Variants in RBPMS observed in about 807,000 individuals in gnomAD.
RBPMS encodes the protein RNA-binding protein with multiple splicing.
A neutral mutation model predicts 26.8 loss-of-function variants in RBPMS; 7 were observed. That is an observed-to-expected ratio of 0.26 (90% CI 0.15 to 0.49). RBPMS has a LOEUF of 0.49. Among genes scored for constraint, RBPMS ranks in the 20% least tolerant of loss-of-function variants. The pLI, the probability that RBPMS is intolerant of heterozygous loss-of-function variation, is 0.98. For missense variants in RBPMS, 186 were observed against 250.0 expected, an observed-to-expected ratio of 0.74 and a Z score of 1.73; for synonymous variants, 96 against 93.3, an observed-to-expected ratio of 1.03 and a Z score of -0.17.
intron 1 of RBPMS, among the ~76,000 whole-genome samples, chr8:30,447,175 GC>G (rs951923163): frequency 6.6e-6 from 1 of 151,884 alleles, no homozygotes; most frequent in African/African-American, 2.4e-5. Context: ...AGAATCTGAA[GC>G]TTTTTGTCTA....
chr8:30,476,236 A>T (rs1817680685), intron 2 of RBPMS, among the ~76,000 whole-genome samples: 1 of 152,160 alleles, frequency 6.6e-6, no homozygotes, highest in Admixed American at 6.5e-5. Flanking sequence ...GCTCAAGTTT[A>T]CACACATAAA....
At chr8:30,545,683 C>T (rs976571228) in intron 6 of RBPMS, 1 of 153,140 alleles carries the variant, frequency 6.5e-6, no homozygotes, top group African/African-American at 2.4e-5. Flanking sequence ...TGATAAAGAC[C>T]ACCTAGAAGC....
At chr8:30,444,418 A>G (rs886625314) in intron 1 of RBPMS, among the ~76,000 whole-genome samples, 1 of 152,322 alleles carries the variant, frequency 6.6e-6, no homozygotes, top group South Asian at 2.1e-4. Flanking sequence ...ACTCAGCACT[A>G]TAGGCTTTCA....
In RBPMS at chr8:30,458,138, T is replaced by C. The variant is rs140475886; in HGVS notation, c.67-16641T>C. Among the ~76,000 whole-genome samples the C allele has an allele frequency of 2.0e-3, 302 of 152,294 alleles. 4 individuals are homozygous for C. The highest frequency in any genetic ancestry group is 0.018 in the East Asian group (95 of 5,172). ...TAATATGATATAAATGCTATGTAAATAGGTATACTATAATGTTTAGGGAAT... is the reference window on the plus strand; with the variant it reads ...TAATATGATATAAATGCTATGTAAACAGGTATACTATAATGTTTAGGGAAT... On this transcript the variant is annotated intron_variant, in intron 1 of 8. Coordinates refer to ENST00000397323, the MANE Select transcript of RBPMS (RefSeq NM_001008710.3).
intron 5 of RBPMS, among the ~76,000 whole-genome samples, chr8:30,512,017 T>A (rs1017625291): frequency 6.6e-6 from 1 of 152,182 alleles, no homozygotes; most frequent in Non-Finnish European, 1.5e-5. Context: ...GGGTTGGTTA[T>A]TCAGGGAGAT....
intron 7 of RBPMS, chr8:30,562,013 TAGATCCGAATA>T (rs1359485194): frequency 5.0e-5 from 49 of 985,364 alleles, no homozygotes; most frequent in South Asian, 3.3e-4. Context: ...ATAGAAGCCC[TAGATCCGAATA>T]AGATCCGAAT....
chr8:30,449,423 T>C (rs1814280236), intron 1 of RBPMS, among the ~76,000 whole-genome samples: 1 of 142,240 alleles, frequency 7.0e-6, no homozygotes, highest in Non-Finnish European at 1.5e-5. Flanking sequence ...CCGGCTGGAG[T>C]GCAATGGCAC....
chr8:30,455,834 G>C (rs762788415), intron 1 of RBPMS, among the ~76,000 whole-genome samples: 1 of 152,192 alleles, frequency 6.6e-6, no homozygotes, highest in Non-Finnish European at 1.5e-5. Context: ...AGCTTGCAGT[G>C]AGCTGAGATC....
At chr8:30,562,354 A>G (rs532000949) in intron 7 of RBPMS, among the ~76,000 whole-genome samples, 26 of 151,518 alleles carry the variant, frequency 1.7e-4, no homozygotes, top group Non-Finnish European at 7.4e-5. Context: ...AGAGTATGTA[A>G]TGTCTCCCGT....
chr8:30,455,103 A>G lies in RBPMS; in HGVS notation c.67-19676A>G, dbSNP rs528503729. ...CTCCCAAAGTGTTAGGATTACAGGCATGAGCCACCATGCCCGGCCTCAAAT... is the reference window on the plus strand; with the variant it reads ...CTCCCAAAGTGTTAGGATTACAGGCGTGAGCCACCATGCCCGGCCTCAAAT... On this transcript the variant is annotated intron_variant, in intron 1 of 8. Transcript: ENST00000397323. Among the ~76,000 whole-genome samples the G allele has an allele frequency of 7.2e-5, 11 of 152,350 alleles. No individual in the cohort carries two copies. The East Asian group carries it at 1.5e-3, about 21-fold the overall frequency.
intron 5 of RBPMS, among the ~76,000 whole-genome samples, chr8:30,538,629 T>C (rs1018466852): frequency 1.3e-5 from 2 of 152,204 alleles, no homozygotes; most frequent in African/African-American, 4.8e-5. Context: ...GTGAATGGGT[T>C]TGACATTCTA....
chr8:30,513,565 G>C (rs1293459874), intron 5 of RBPMS, among the ~76,000 whole-genome samples: 1 of 134,782 alleles, frequency 7.4e-6, no homozygotes, highest in Non-Finnish European at 1.5e-5. Context: ...TCCAGCCTGG[G>C]CGACACAGCG....
At position 30,547,488 on chromosome 8, in the gene RBPMS, T is replaced by C. The variant is rs1032823316; in HGVS notation, c.528+2864T>C. On this transcript the variant is annotated intron_variant, in intron 6 of 8. Transcript: ENST00000397323. Reference sequence around the variant, plus strand: ...ATTTCTTGACGACCTTTGAGAGATTTCAATAAAAATTTTAATCAGAGCAAA... The same window carrying C: ...ATTTCTTGACGACCTTTGAGAGATTCCAATAAAAATTTTAATCAGAGCAAA... 3.9e-6 allele frequency: 6 copies of C among 1,548,824 alleles called. No individual in the cohort carries two copies. The African/African-American group carries it at 7.0e-5, about 18-fold the overall frequency.
intron 1 of RBPMS, among the ~76,000 whole-genome samples, chr8:30,474,111 A>AC: frequency 6.6e-6 from 1 of 151,600 alleles, no homozygotes; most frequent in Admixed American, 6.6e-5. Context: ...AACAACAACA[A>AC]AAATGCAATG....
At chr8:30,440,987 G>GT (rs1309432446) in intron 1 of RBPMS, among the ~76,000 whole-genome samples, 1 of 148,870 alleles carries the variant, frequency 6.7e-6, no homozygotes, top group Non-Finnish European at 1.5e-5. Context: ...CAGCTAGTTT[G>GT]TTTTTTTGTT....
intron 1 of RBPMS, among the ~76,000 whole-genome samples, chr8:30,461,794 A>G (rs1395583440): frequency 6.6e-6 from 1 of 152,198 alleles, no homozygotes; most frequent in African/African-American, 2.4e-5. Flanking sequence ...TGTCACAATC[A>G]AGAAGTTGAT....
In RBPMS at chr8:30,488,655, G is replaced by A. The variant is rs150383644; in HGVS notation, c.246+9278G>A. 4.9e-3 allele frequency among the ~76,000 whole-genome samples: 745 copies of A among 152,336 alleles called. 4 individuals are homozygous for A. Among genetic ancestry groups the A allele is most frequent in the African/African-American group, 0.016 (685 of 41,572 alleles). ...TTCACCCTGTCCCCTTGATTTATCT[G>A]TAGAGGTGTTTACCAAATTCTGAAA... On this transcript the variant is annotated intron_variant, in intron 4 of 8. Coordinates refer to ENST00000397323, the MANE Select transcript of RBPMS (RefSeq NM_001008710.3).
chr8:30,490,605 G>A (rs955213869), intron 4 of RBPMS, among the ~76,000 whole-genome samples: 4 of 152,108 alleles, frequency 2.6e-5, no homozygotes, highest in South Asian at 2.1e-4. Context: ...GATTACAGGC[G>A]CGTGCCTCCA....
At chr8:30,454,741 ATTAT>A (rs1394831084) in intron 1 of RBPMS, among the ~76,000 whole-genome samples, 2 of 152,180 alleles carry the variant, frequency 1.3e-5, no homozygotes, top group Non-Finnish European at 2.9e-5. Context: ...TGTTGAATCT[ATTAT>A]TTGTGTGTAT....
Sources: allele counts gnomAD v4.1 joint callset (sites outside exome capture counted in the v4.1 genomes callset), GRCh38; gene constraint gnomAD v4.1.1; transcripts MANE v1.5; gene names NCBI Gene and HGNC (gene_info 2026-07-23, HGNC 2026-07-21).